The following STIM2 variants were observed in gnomAD, a reference collection of about 807,000 sequenced individuals.
The protein encoded by STIM2 is stromal interaction molecule 2.
STIM2 carries 31 observed loss-of-function variants against 85.8 expected under a neutral mutation model. The observed-to-expected ratio is 0.36, with a 90% CI of 0.27 to 0.49. STIM2 has a LOEUF of 0.49. Among genes scored for constraint, STIM2 ranks in the 20% least tolerant of loss-of-function variants. STIM2 has a pLI of 0.98. For missense variants in STIM2, 841 were observed against 927.6 expected, an observed-to-expected ratio of 0.91 and a Z score of 1.21; for synonymous variants, 356 against 331.1, an observed-to-expected ratio of 1.08 and a Z score of -0.82.
At chr4:26,986,928 G>A (rs984774756) in intron 3 of STIM2, among the ~76,000 whole-genome samples, 36 of 152,352 alleles carry the variant, frequency 2.4e-4, no homozygotes, top group African/African-American at 8.2e-4. Context: ...GCAGCTTGCA[G>A]TATAGCAGGA....
intron 1 of STIM2, among the ~76,000 whole-genome samples, chr4:26,909,758 G>A (rs1349824315): frequency 1.3e-5 from 2 of 152,154 alleles, no homozygotes; most frequent in Non-Finnish European, 1.5e-5. Flanking sequence ...TAATGTTGTG[G>A]TTGTAGCTTG....
intron 2 of STIM2, among the ~76,000 whole-genome samples, chr4:26,920,151 C>T (rs1386843860): frequency 2.0e-4 from 31 of 152,116 alleles, no homozygotes; most frequent in Admixed American, 2.0e-3. Context: ...CATTCAGGAG[C>T]CTAGCTCAAA....
intron 2 of STIM2, among the ~76,000 whole-genome samples, chr4:26,952,819 C>CT (rs1726107169): frequency 6.6e-6 from 1 of 152,110 alleles, no homozygotes; most frequent in Admixed American, 6.6e-5. Flanking sequence ...AGAACTTAGA[C>CT]TTTAGAATTC....
chr4:26,906,624 T>A (rs1724135853), intron 1 of STIM2, among the ~76,000 whole-genome samples: 1 of 152,146 alleles, frequency 6.6e-6, no homozygotes, highest in African/African-American at 2.4e-5. Context: ...GAATTTATTT[T>A]ACAGTTTGTG....
intron 3 of STIM2, among the ~76,000 whole-genome samples, chr4:26,984,886 GTC>G (rs1214765608): frequency 5.9e-5 from 9 of 152,298 alleles, no homozygotes; most frequent in African/African-American, 2.2e-4. Flanking sequence ...TTTACCTAGT[GTC>G]TCTAAAAATT....
intron 3 of STIM2, among the ~76,000 whole-genome samples, chr4:26,976,912 C>T (rs2109110005): frequency 6.6e-6 from 1 of 152,268 alleles, no homozygotes; most frequent in South Asian, 2.1e-4. Flanking sequence ...GGAGTTAACG[C>T]TCTTTTAGAG....
intron 1 of STIM2, among the ~76,000 whole-genome samples, chr4:26,889,381 C>G (rs1186565854): frequency 6.6e-6 from 1 of 152,182 alleles, no homozygotes; most frequent in African/African-American, 2.4e-5. Flanking sequence ...TCCACTGTTA[C>G]ACTTCATGTG....
At chr4:26,899,565 ATAGTT>A (rs1560200045) in intron 1 of STIM2, among the ~76,000 whole-genome samples, 2 of 152,130 alleles carry the variant, frequency 1.3e-5, no homozygotes, top group African/African-American at 4.8e-5. Flanking sequence ...AAATTCCTAG[ATAGTT>A]TAGTTTTTAG....
chr4:27,022,410 C>T (rs1728943605), intron 11 of STIM2, 109 bp from the exon 12 acceptor site: 2 of 870,774 alleles, frequency 2.3e-6, no homozygotes, highest in South Asian at 2.0e-5. Flanking sequence ...TATCATTTCC[C>T]TCTTTTAAAT....
chr4:26,990,998 C>T (rs1166907906), intron 3 of STIM2, among the ~76,000 whole-genome samples: 1 of 152,008 alleles, frequency 6.6e-6, no homozygotes, highest in Admixed American at 6.6e-5. Context: ...TAAAGTAGTA[C>T]AGTTATTAAG....
At chr4:26,884,120 A>G (rs574082579) in intron 1 of STIM2, among the ~76,000 whole-genome samples, 1 of 152,324 alleles carries the variant, frequency 6.6e-6, no homozygotes, top group South Asian at 2.1e-4. Flanking sequence ...CCCAAATGCA[A>G]GTTGGGCTTG....
Position 27,017,699 on chromosome 4 carries a change from G to T in STIM2, c.1490-12G>T, listed in dbSNP as rs780968749. The T allele has an allele frequency of 1.2e-6, 2 of 1,612,260 alleles. No homozygotes were observed. The highest frequency in any genetic ancestry group is 2.2e-5 in the South Asian group (2 of 91,044). On this transcript the variant is annotated splice_polypyrimidine_tract_variant and intron_variant, in intron 10 of 11. Coordinates refer to ENST00000467087, the MANE Select transcript of STIM2 (RefSeq NM_020860.4). ...GACTTCATGAGCATGTTTCTTTCTT[G>T]GTGTTTTTCAGGGACCATGGCTAAA...
At chr4:26,897,603 A>G (rs1159431724) in intron 1 of STIM2, among the ~76,000 whole-genome samples, 1 of 152,116 alleles carries the variant, frequency 6.6e-6, no homozygotes, top group African/African-American at 2.4e-5. Flanking sequence ...CAGATATATA[A>G]ATATCATGAC....
intron 2 of STIM2, among the ~76,000 whole-genome samples, chr4:26,946,569 C>T (rs1725838967): frequency 6.6e-6 from 1 of 152,254 alleles, no homozygotes; most frequent in Non-Finnish European, 1.5e-5. Context: ...TGTGTGTGCG[C>T]ACGCATGCGT....
rs188576919 is a variant in STIM2 at position 26,910,603 on chromosome 4, A to C, written c.152-8901A>C. On this transcript the variant is annotated intron_variant, in intron 1 of 11. Transcript: ENST00000467087. ...ATAGCTGTCAGTGAATATAGAGATA[A>C]ATACAGCTGTATGAATACACCTACT... Among the ~76,000 whole-genome samples, 598 of 152,318 alleles carry C rather than the reference A, an allele frequency of 3.9e-3. 2 individuals carry two copies. Among genetic ancestry groups the C allele is most frequent in the Non-Finnish European group, 5.5e-3 (376 of 68,014 alleles).
intron 1 of STIM2, among the ~76,000 whole-genome samples, chr4:26,866,637 T>C (rs759873074): frequency 2.6e-5 from 4 of 152,124 alleles, no homozygotes; most frequent in African/African-American, 9.7e-5. Flanking sequence ...GGAAGAAGAT[T>C]GGGGCCAAAT....
Position 27,024,239 on chromosome 4 carries a change from A to G in STIM2, c.*1243A>G, listed in dbSNP as rs575633946. On this transcript the variant is annotated 3_prime_UTR_variant, in exon 12 of 12. Coordinates refer to ENST00000467087, the MANE Select transcript of STIM2 (RefSeq NM_020860.4). ...GGTGTTCATTAAATTGGTGGGTTGT[A>G]TAAGGGTAGCTTTTGTTGTTAAAAA... 6.6e-6 allele frequency: 1 copy of G among 152,300 alleles called. No individual in the cohort carries two copies. Among genetic ancestry groups the G allele is most frequent in the Admixed American group, 6.5e-5 (1 of 15,304 alleles). 9.4% of individuals were successfully genotyped at this position (152,300 alleles called of 1,614,324 possible). A position where few individuals can be genotyped will look rare whatever the true frequency, so the allele number is the denominator to read the frequency against.
chr4:26,955,011 A>T (rs1336708372), intron 2 of STIM2, among the ~76,000 whole-genome samples: 1 of 146,272 alleles, frequency 6.8e-6, no homozygotes. Context: ...ATTCTTTATT[A>T]TTTTTTCTTA....
At chr4:26,994,197 A>G (rs1577485047) in intron 3 of STIM2, among the ~76,000 whole-genome samples, 1 of 152,070 alleles carries the variant, frequency 6.6e-6, no homozygotes, top group Non-Finnish European at 1.5e-5. Flanking sequence ...CTGCTCTATT[A>G]TCTACACTTA....
Sources: gnomAD v4.1 joint callset for allele counts (sites outside exome capture counted in the v4.1 genomes callset) on GRCh38, gnomAD v4.1.1 for gene constraint, MANE v1.5 for transcripts, NCBI Gene and HGNC (gene_info 2026-07-23, HGNC 2026-07-21) for gene names.